Variants in ABTB3 observed in about 807,000 individuals in gnomAD.
The protein encoded by ABTB3 is ankyrin repeat- and BTB/POZ domain-containing protein 3.
the ABTB3 span, among the ~76,000 whole-genome samples, chr12:107,372,358 A>G: frequency 6.6e-6 from 1 of 152,276 alleles, no homozygotes; most frequent in East Asian, 1.9e-4. Flanking sequence ...TCCTGCCCCA[A>G]ACCAGAACAA....
At chr12:107,471,012 C>T in the ABTB3 span, among the ~76,000 whole-genome samples, 1 of 152,216 alleles carries the variant, frequency 6.6e-6, no homozygotes, top group Non-Finnish European at 1.5e-5. Context: ...ATGTGATGTA[C>T]TGAGCATGCC....
chr12:107,570,539 G>C, the ABTB3 span, among the ~76,000 whole-genome samples: 1 of 152,044 alleles, frequency 6.6e-6, no homozygotes, highest in Admixed American at 6.5e-5. Context: ...TCTATACAAA[G>C]GGTTATGGCT....
chr12:107,552,296 T>C, the ABTB3 span, among the ~76,000 whole-genome samples: 2 of 152,212 alleles, frequency 1.3e-5, no homozygotes, highest in Non-Finnish European at 2.9e-5. Context: ...CCAGTCCCTA[T>C]AATTTTTTTC....
the ABTB3 span, among the ~76,000 whole-genome samples, chr12:107,613,859 T>C: frequency 6.6e-6 from 1 of 151,976 alleles, no homozygotes; most frequent in Non-Finnish European, 1.5e-5. Context: ...CTCAGTACTG[T>C]GTGTGTGTGT....
chr12:107,345,884 C>G, the ABTB3 span, among the ~76,000 whole-genome samples: 1 of 152,162 alleles, frequency 6.6e-6, no homozygotes, highest in Admixed American at 6.5e-5. Context: ...GAGATGGCTG[C>G]TCTTTTCGTT....
chr12:107,588,091 A>T, the ABTB3 span, among the ~76,000 whole-genome samples: 11 of 152,140 alleles, frequency 7.2e-5, no homozygotes, highest in Non-Finnish European at 1.0e-4. Flanking sequence ...CTCTGCCTCC[A>T]TCTTCACATG....
chr12:107,565,426 G>A, the ABTB3 span, among the ~76,000 whole-genome samples: 3 of 151,968 alleles, frequency 2.0e-5, no homozygotes, highest in Non-Finnish European at 4.4e-5. Flanking sequence ...CCATATAATT[G>A]TACTTCCACC....
chr12:107,570,720 A>G, the ABTB3 span, among the ~76,000 whole-genome samples: 4 of 152,090 alleles, frequency 2.6e-5, no homozygotes, highest in Non-Finnish European at 5.9e-5. Flanking sequence ...AAATATTAGG[A>G]ACTTACAGTT....
chr12:107,572,914 G>A, the ABTB3 span, among the ~76,000 whole-genome samples: 22 of 152,298 alleles, frequency 1.4e-4, no homozygotes, highest in African/African-American at 5.1e-4. Flanking sequence ...ACCTTTCTTA[G>A]GATGTGCAGC....
At chr12:107,400,424 A>G in the ABTB3 span, among the ~76,000 whole-genome samples, 1 of 152,128 alleles carries the variant, frequency 6.6e-6, no homozygotes, top group African/African-American at 2.4e-5. Flanking sequence ...GGTAACCCTT[A>G]TATACAGGTG....
chr12:107,581,171 C>T, the ABTB3 span: 1 of 1,542,728 alleles, frequency 6.5e-7, no homozygotes, highest in Non-Finnish European at 8.7e-7. Context: ...CGTGCTGCCG[C>T]CGCTGATGGA....
At chr12:107,517,918 G>GA in the ABTB3 span, among the ~76,000 whole-genome samples, 1 of 150,552 alleles carries the variant, frequency 6.6e-6, no homozygotes, top group Non-Finnish European at 1.5e-5. Context: ...AAATTTACAA[G>GA]AAAAAAACAA....
At chr12:107,526,793 A>G in the ABTB3 span, among the ~76,000 whole-genome samples, 1 of 152,174 alleles carries the variant, frequency 6.6e-6, no homozygotes, top group African/African-American at 2.4e-5. Flanking sequence ...CCTCAGTGTC[A>G]CAAGAAGAAA....
the ABTB3 span, among the ~76,000 whole-genome samples, chr12:107,471,689 C>A: frequency 6.6e-6 from 1 of 152,140 alleles, no homozygotes; most frequent in Admixed American, 6.5e-5. Context: ...GAAGCAGCTT[C>A]CCCTCCATGA....
the ABTB3 span, among the ~76,000 whole-genome samples, chr12:107,519,647 G>A: frequency 6.6e-6 from 1 of 152,184 alleles, no homozygotes; most frequent in African/African-American, 2.4e-5. Flanking sequence ...GACCAAGGCA[G>A]AGGCGCAAGA....
chr12:107,653,056 G>A, the ABTB3 span, among the ~76,000 whole-genome samples: 12 of 152,332 alleles, frequency 7.9e-5, no homozygotes, highest in South Asian at 2.3e-3. Flanking sequence ...TTACAGGCAT[G>A]AGCCATCGCA....
chr12:107,394,772 G>C, the ABTB3 span, among the ~76,000 whole-genome samples: 2 of 152,208 alleles, frequency 1.3e-5, no homozygotes, highest in African/African-American at 4.8e-5. Context: ...CTCAGTAAAT[G>C]ATAGCTGTTT....
At chr12:107,390,405 C>G in the ABTB3 span, among the ~76,000 whole-genome samples, 1 of 152,218 alleles carries the variant, frequency 6.6e-6, no homozygotes, top group South Asian at 2.1e-4. Flanking sequence ...TAGCCTGATT[C>G]CAAAGCCTAT....
chr12:107,543,960 T>G, the ABTB3 span: 1 of 1,613,708 alleles, frequency 6.2e-7, no homozygotes, highest in African/African-American at 1.3e-5. Flanking sequence ...GTGCAATGCA[T>G]CACCTGCAGC....
Sources: allele counts gnomAD v4.1 joint callset (sites outside exome capture counted in the v4.1 genomes callset), GRCh38; gene constraint gnomAD v4.1.1; transcripts MANE v1.5; gene names NCBI Gene and HGNC (gene_info 2026-07-23, HGNC 2026-07-21).